The following IL1RAPL1 variants were observed in gnomAD, a reference collection of about 807,000 sequenced individuals.
IL1RAPL1 encodes the protein interleukin-1 receptor accessory protein-like 1.
In IL1RAPL1, 3 loss-of-function variants were observed where a neutral mutation model predicts 48.4. The observed-to-expected ratio is 0.06, with a 90% confidence interval of 0.03 to 0.16. IL1RAPL1 has a LOEUF of 0.16. Ranked by LOEUF, IL1RAPL1 falls within the 10% of genes least tolerant of loss-of-function variation. The probability of loss-of-function intolerance (pLI) is 1.00; values close to 1 mark genes in which losing one functional copy is unlikely to be tolerated. For synonymous variants in IL1RAPL1, 185 were observed against 187.7 expected, an observed-to-expected ratio of 0.99 and a Z score of 0.12; for missense variants, 349 against 530.6, an observed-to-expected ratio of 0.66 and a Z score of 3.36.
intron 2 of IL1RAPL1, among the ~76,000 whole-genome samples, chrX:28,856,825 CA>C (rs1471062003): frequency 9.0e-6 from 1 of 111,644 alleles, no homozygotes; most frequent in Non-Finnish European, 1.9e-5. Flanking sequence ...AATAATCCCA[CA>C]ATGTCTTCCA....
intron 6 of IL1RAPL1, among the ~76,000 whole-genome samples, chrX:29,701,710 A>T (rs1927052117): frequency 9.0e-6 from 1 of 111,042 alleles, no homozygotes; most frequent in South Asian, 3.8e-4. Context: ...TTTACACCTG[A>T]CCTCCAAAGG....
chrX:28,918,624 C>T (rs966249520), intron 2 of IL1RAPL1, among the ~76,000 whole-genome samples: 1 of 112,045 alleles, frequency 8.9e-6, no homozygotes, highest in Non-Finnish European at 1.9e-5. Context: ...GGATGTCATG[C>T]AAGTGAAAAC....
At chrX:29,423,188 T>C (rs946391253) in intron 5 of IL1RAPL1, among the ~76,000 whole-genome samples, 1 of 111,877 alleles carries the variant, frequency 8.9e-6, no homozygotes, top group Non-Finnish European at 1.9e-5. Context: ...CACCAATTGC[T>C]AATCACAGAA....
At chrX:29,198,209 C>T (rs1930482152) in intron 2 of IL1RAPL1, among the ~76,000 whole-genome samples, 3 of 111,671 alleles carry the variant, frequency 2.7e-5, no homozygotes. Flanking sequence ...GAATCCTGTT[C>T]TTGGTCACAG....
At chrX:29,730,744 T>A (rs779816460) in intron 6 of IL1RAPL1, among the ~76,000 whole-genome samples, 17 of 111,887 alleles carry the variant, frequency 1.5e-4, no homozygotes, top group Non-Finnish European at 2.6e-4. Flanking sequence ...TTGTTACAAA[T>A]CTATGTGGGA....
intron 2 of IL1RAPL1, among the ~76,000 whole-genome samples, chrX:28,975,623 A>G (rs990248916): frequency 1.6e-4 from 18 of 112,329 alleles, no homozygotes; most frequent in East Asian, 5.5e-4. Context: ...ACACCTATGA[A>G]GTCTCTTCTC....
At chrX:29,018,707 G>A (rs1374024417) in intron 2 of IL1RAPL1, among the ~76,000 whole-genome samples, 2 of 111,631 alleles carry the variant, frequency 1.8e-5, no homozygotes, top group Admixed American at 1.9e-4. Context: ...GCATATATTA[G>A]GAGATCATCA....
chrX:29,802,771 ATATATATATATGTGTG>A (rs1480021396), intron 6 of IL1RAPL1, among the ~76,000 whole-genome samples: 5 of 29,631 alleles, frequency 1.7e-4, no homozygotes, highest in Admixed American at 3.6e-4. Flanking sequence ...ATATATATAT[ATATATATATATGTGTG>A]TGTGTATATA....
At chrX:28,688,934 A>G (rs1935143999) in intron 1 of IL1RAPL1, among the ~76,000 whole-genome samples, 1 of 111,276 alleles carries the variant, frequency 9.0e-6, no homozygotes, top group South Asian at 3.8e-4. Flanking sequence ...AGTCCTGCCC[A>G]TAATGAGAGA....
intron 6 of IL1RAPL1, among the ~76,000 whole-genome samples, chrX:29,908,332 G>C (rs1428258397): frequency 3.7e-5 from 4 of 108,630 alleles, no homozygotes; most frequent in Admixed American, 1.0e-4. Context: ...GAGCCCAGGA[G>C]TTCAAGACCA....
chrX:29,097,698 A>G (rs1928245196), intron 2 of IL1RAPL1, among the ~76,000 whole-genome samples: 1 of 49,012 alleles, frequency 2.0e-5, no homozygotes, highest in African/African-American at 4.4e-5. Flanking sequence ...AACTACACTG[A>G]AAAAAAAATA....
chrX:29,218,116 G>A (rs765396628), intron 2 of IL1RAPL1, among the ~76,000 whole-genome samples: 1 of 111,487 alleles, frequency 9.0e-6, no homozygotes, highest in East Asian at 2.8e-4. Flanking sequence ...TGACAATGTA[G>A]AATAAATATA....
intron 5 of IL1RAPL1, among the ~76,000 whole-genome samples, chrX:29,617,928 G>C (rs947750712): frequency 9.0e-6 from 1 of 111,629 alleles, no homozygotes; most frequent in African/African-American, 3.3e-5. Context: ...ACCTGCTGCT[G>C]GTTCAGCGGC....
intron 5 of IL1RAPL1, among the ~76,000 whole-genome samples, chrX:29,604,584 G>A (rs750092618): frequency 1.8e-5 from 2 of 110,884 alleles, no homozygotes; most frequent in African/African-American, 6.6e-5. Flanking sequence ...GATTACAGAC[G>A]TGAGCCACCG....
At chrX:29,230,860 G>A (rs1328472830) in intron 2 of IL1RAPL1, among the ~76,000 whole-genome samples, 8 of 111,475 alleles carry the variant, frequency 7.2e-5, no homozygotes, top group East Asian at 5.7e-4. Context: ...GCCCTGTAGC[G>A]TATATGTGAG....
intron 1 of IL1RAPL1, among the ~76,000 whole-genome samples, chrX:28,627,529 G>A (rs771611241): frequency 9.8e-5 from 11 of 112,103 alleles, no homozygotes; most frequent in Admixed American, 3.8e-4. Context: ...AATCTCTGGG[G>A]TAGGAGCACG....
At chrX:29,612,048 G>A (rs1924113121) in intron 5 of IL1RAPL1, among the ~76,000 whole-genome samples, 1 of 111,129 alleles carries the variant, frequency 9.0e-6, no homozygotes. Flanking sequence ...GGGCATAGTA[G>A]GACAAAAGGT....
intron 6 of IL1RAPL1, among the ~76,000 whole-genome samples, chrX:29,884,720 A>G (rs73221616): frequency 0.25 from 27,717 of 110,659 alleles, 2,632 homozygotes; most frequent in African/African-American, 0.29. Flanking sequence ...CGAGTTCCTG[A>G]TCTTTTCCTG....
intron 6 of IL1RAPL1, among the ~76,000 whole-genome samples, chrX:29,832,812 C>T (rs764056025): frequency 9.2e-6 from 1 of 108,426 alleles, no homozygotes; most frequent in East Asian, 2.9e-4. Context: ...GGTTTAAAGC[C>T]CCCCACCTCC....
Sources: gnomAD v4.1 joint callset for allele counts (sites outside exome capture counted in the v4.1 genomes callset) on GRCh38, gnomAD v4.1.1 for gene constraint, MANE v1.5 for transcripts, NCBI Gene and HGNC (gene_info 2026-07-23, HGNC 2026-07-21) for gene names.